The following PHKB variants were observed in gnomAD, a reference collection of about 807,000 sequenced individuals.
PHKB encodes phosphorylase kinase regulatory subunit beta, also known as phosphorylase b kinase regulatory subunit beta.
PHKB carries 122 observed loss-of-function variants against 152.1 expected under a neutral mutation model. The observed-to-expected ratio is 0.80, with a 90% CI of 0.69 to 0.93. The LOEUF (loss-of-function observed/expected upper bound fraction) is 0.93, where lower values mean the gene tolerates loss of function less well. Among genes scored for constraint, PHKB ranks in the 40% least tolerant of loss-of-function variants. The pLI is 0.00. For missense variants in PHKB, 1,304 were observed against 1,328.4 expected, an observed-to-expected ratio of 0.98 and a Z score of 0.29; for synonymous variants, 436 against 464.9, an observed-to-expected ratio of 0.94 and a Z score of 0.80.
At chr16:47,497,352 C>A (rs540840960) in intron 1 of PHKB, 47 bp from the exon 2 acceptor site, 1 of 1,180,614 alleles carries the variant, frequency 8.5e-7, no homozygotes. Flanking sequence ...CTTTGTTTAT[C>A]TTTGTGAAAA....
intron 14 of PHKB, among the ~76,000 whole-genome samples, chr16:47,625,977 T>C (rs1465585225): frequency 6.6e-6 from 1 of 152,336 alleles, no homozygotes; most frequent in South Asian, 2.1e-4. Flanking sequence ...TACGTAGTTG[T>C]CTTCTCTCTT....
rs1359641039 is a variant in PHKB at position 47,689,150 on chromosome 16, A to G, written c.2740A>G (p.Ile914Val). Reference sequence around the variant, plus strand: ...TGAAGTTAAACAGCTTCTGCTGGATATTCTGCAGCCTCAACAGAATGGAAG... The same window carrying G: ...TGAAGTTAAACAGCTTCTGCTGGATGTTCTGCAGCCTCAACAGAATGGAAG... ...PSEVKQLLLD[I>V]LQPQQNGRCW... Residue 914 changes from isoleucine to valine, a missense_variant, in exon 27 of 31, where the codon ATT (isoleucine) becomes GTT (valine). Physicochemically the swap from Ile to Val is conservative, Grantham distance 29. Transcript: ENST00000323584. The G allele has an allele frequency of 1.2e-6, 2 of 1,614,106 alleles. No homozygotes were observed. The highest frequency in any genetic ancestry group is 1.7e-6 in the Non-Finnish European group (2 of 1,179,966).
At chr16:47,569,409 G>T (rs995611907) in intron 7 of PHKB, among the ~76,000 whole-genome samples, 16 of 152,044 alleles carry the variant, frequency 1.1e-4, no homozygotes, top group African/African-American at 3.9e-4. Context: ...TATGGGTTAG[G>T]TGGGTCTCTT....
chr16:47,632,305 G>T (rs1277301878), intron 14 of PHKB, among the ~76,000 whole-genome samples: 1 of 152,132 alleles, frequency 6.6e-6, no homozygotes, highest in East Asian at 1.9e-4. Flanking sequence ...CAGTGTAAAA[G>T]GTTGACTAGC....
intron 6 of PHKB, among the ~76,000 whole-genome samples, chr16:47,519,470 A>G (rs1274551756): frequency 6.6e-6 from 1 of 152,192 alleles, no homozygotes; most frequent in African/African-American, 2.4e-5. Context: ...GTTTACTGAG[A>G]CTGGAAGACC....
intron 16 of PHKB, 23 bp from the exon 17 acceptor site, chr16:47,648,510 A>G (rs1973175186): frequency 6.6e-7 from 1 of 1,525,846 alleles, no homozygotes; most frequent in Non-Finnish European, 9.1e-7. Context: ...CCTGACTCTA[A>G]TTTACAAACT....
intron 16 of PHKB, among the ~76,000 whole-genome samples, chr16:47,642,425 G>A (rs764613565): frequency 1.3e-5 from 2 of 152,132 alleles, no homozygotes; most frequent in East Asian, 1.9e-4. Context: ...GTTCTTGCTC[G>A]TTAGAGACAC....
chr16:47,522,290 A>T (rs1251476992), intron 6 of PHKB, among the ~76,000 whole-genome samples: 1 of 152,028 alleles, frequency 6.6e-6, no homozygotes, highest in African/African-American at 2.4e-5. Context: ...TTCTCCAGGA[A>T]TTTGTCTATT....
chr16:47,493,837 A>G (rs1217786610), intron 1 of PHKB, among the ~76,000 whole-genome samples: 1 of 152,260 alleles, frequency 6.6e-6, no homozygotes, highest in Non-Finnish European at 1.5e-5. Context: ...AGTTTAAACT[A>G]TAGAAAAGGT....
chr16:47,511,330 T>C (rs1190679774), intron 4 of PHKB, among the ~76,000 whole-genome samples: 2 of 152,194 alleles, frequency 1.3e-5, no homozygotes, highest in East Asian at 3.8e-4. Flanking sequence ...ATACAATCAC[T>C]GAAATCCTGT....
chr16:47,592,649 T>C (rs1972048083), intron 10 of PHKB, among the ~76,000 whole-genome samples: 2 of 152,200 alleles, frequency 1.3e-5, no homozygotes, highest in South Asian at 2.1e-4. Context: ...TATTTCCTAC[T>C]GCATAGTAGT....
chr16:47,581,003 G>T (rs1971834656), intron 8 of PHKB, among the ~76,000 whole-genome samples: 2 of 152,156 alleles, frequency 1.3e-5, no homozygotes, highest in Non-Finnish European at 2.9e-5. Flanking sequence ...TTACTACTCT[G>T]GATCAAGAAG....
At chr16:47,628,497 G>A (rs1427322310) in intron 14 of PHKB, among the ~76,000 whole-genome samples, 2 of 152,158 alleles carry the variant, frequency 1.3e-5, no homozygotes, top group Non-Finnish European at 1.5e-5. Flanking sequence ...GCTCCACTGC[G>A]CTCCAGCCTG....
chr16:47,472,995 G>A (rs1969800345), intron 1 of PHKB, among the ~76,000 whole-genome samples: 1 of 151,452 alleles, frequency 6.6e-6, no homozygotes. Flanking sequence ...TACATATTTA[G>A]TCTTGAAGAT....
chr16:47,599,038 G>A, intron 13 of PHKB: 3 of 675,416 alleles, frequency 4.4e-6, no homozygotes, highest in Non-Finnish European at 7.6e-6. Context: ...ACATGAAATA[G>A]TTTTCTTAGA....
Position 47,696,389 on chromosome 16 carries a change from C to A in PHKB, c.2904C>A (p.Thr968=). The stretch of plus-strand genomic sequence containing the variant: ...GGAGTTATTTTTTTCAGCAACCAAC[C>A]CTGTCAGATATGACCATGTATGAGA... ...VAGKHLPQQP[T]LSDMTMYEMN... is the part of the protein sequence containing the mutation. Residue 968 remains threonine (T), a synonymous_variant, in exon 29 of 31, where the codon ACC becomes ACA. Coordinates refer to ENST00000323584, the MANE Select transcript of PHKB (RefSeq NM_000293.3). 6.3e-7 allele frequency: 1 copy of A among 1,589,866 alleles called. No individual in the cohort carries two copies.
intron 7 of PHKB, among the ~76,000 whole-genome samples, chr16:47,558,897 C>T (rs1971428780): frequency 6.6e-6 from 1 of 152,192 alleles, no homozygotes; most frequent in Non-Finnish European, 1.5e-5. Context: ...CCAAATTCAT[C>T]CCATAGCTGT....
intron 20 of PHKB, among the ~76,000 whole-genome samples, chr16:47,651,220 A>C (rs1008793608): frequency 1.2e-4 from 19 of 152,150 alleles, no homozygotes; most frequent in African/African-American, 4.6e-4. Context: ...AAGTTGGCTG[A>C]CTGTTGGTCC....
chr16:47,503,104 G>T lies in PHKB; in HGVS notation c.405+14G>T. ...CAGGCCGATAAGGTAAAACATTGTGGTGTGGACGGGAATTCTCCCATCATT... is the reference window on the plus strand; with the variant it reads ...CAGGCCGATAAGGTAAAACATTGTGTTGTGGACGGGAATTCTCCCATCATT... On this transcript the variant is annotated intron_variant, in intron 4 of 30. Coordinates refer to ENST00000323584, the MANE Select transcript of PHKB (RefSeq NM_000293.3). The T allele has an allele frequency of 4.1e-6, 6 of 1,454,806 alleles. No homozygotes were observed. The highest frequency in any genetic ancestry group is 5.8e-6 in the Non-Finnish European group (6 of 1,034,778). 90.1% of individuals were successfully genotyped at this position (1,454,806 alleles called of 1,614,324 possible).
Sources: allele counts gnomAD v4.1 joint callset (sites outside exome capture counted in the v4.1 genomes callset), GRCh38; gene constraint gnomAD v4.1.1; transcripts MANE v1.5; gene names NCBI Gene and HGNC (gene_info 2026-07-23, HGNC 2026-07-21).